The following FA2H variants were observed in gnomAD, a reference collection of about 807,000 sequenced individuals.
The protein encoded by FA2H is fatty acid 2-hydroxylase.
A neutral mutation model predicts 44.9 loss-of-function variants in FA2H; 22 were observed. That is an observed-to-expected ratio of 0.49 (90% CI 0.35 to 0.70). The LOEUF (loss-of-function observed/expected upper bound fraction) is 0.70. Among genes scored for constraint, FA2H ranks in the 30% least tolerant of loss-of-function variants. The probability of loss-of-function intolerance (pLI) is 0.01; values close to 1 mark genes in which losing one functional copy is unlikely to be tolerated. For synonymous variants in FA2H, 243 were observed against 213.2 expected (o/e 1.14, Z -1.22); for missense variants, 501 against 504.9 (o/e 0.99, Z 0.07).
rs548974829 is a variant in FA2H at position 74,753,480 on chromosome 16, G to C, written c.271-13365C>G. On this transcript the variant is annotated intron_variant, in intron 1 of 6. Coordinates refer to ENST00000219368, the MANE Select transcript of FA2H (RefSeq NM_024306.5). ...ATGGATCATGAGGTCAGGAGTTTAA[G>C]ACCAGCCTGGCCAACATAGTGAACC... Among the ~76,000 whole-genome samples, 31 of 152,318 alleles carry C rather than the reference G, an allele frequency of 2.0e-4. No homozygotes were observed. The East Asian group carries it at 4.4e-3, about 22-fold the overall frequency.
At chr16:74,738,154 C>T (rs1278364713) in intron 2 of FA2H, among the ~76,000 whole-genome samples, 1 of 152,116 alleles carries the variant, frequency 6.6e-6, no homozygotes, top group African/African-American at 2.4e-5. Context: ...CAGGGCCCAG[C>T]CCTCGCCCTT....
intron 2 of FA2H, among the ~76,000 whole-genome samples, chr16:74,739,163 G>A (rs966349336): frequency 3.9e-5 from 6 of 152,192 alleles, no homozygotes; most frequent in Non-Finnish European, 7.4e-5. Context: ...GGCGGTGGTG[G>A]GGAGGGGTTA....
At chr16:74,757,059 A>C (rs1467120574) in intron 1 of FA2H, among the ~76,000 whole-genome samples, 2 of 152,150 alleles carry the variant, frequency 1.3e-5, no homozygotes, top group African/African-American at 2.4e-5. Context: ...AACATTAAGC[A>C]AGGCAAAAGG....
At chr16:74,765,219 C>T (rs1962788327) in intron 1 of FA2H, among the ~76,000 whole-genome samples, 1 of 151,516 alleles carries the variant, frequency 6.6e-6, no homozygotes, top group Non-Finnish European at 1.5e-5. Context: ...TGCAATGGCG[C>T]GATCTTGGCT....
chr16:74,722,386 A>G (rs1305742292), intron 4 of FA2H, among the ~76,000 whole-genome samples: 3 of 151,956 alleles, frequency 2.0e-5, no homozygotes, highest in African/African-American at 7.3e-5. Flanking sequence ...AAGTAAAAAA[A>G]TTAGCTGGGC....
intron 1 of FA2H, among the ~76,000 whole-genome samples, chr16:74,754,724 C>G (rs1962584408): frequency 6.6e-6 from 1 of 151,956 alleles, no homozygotes; most frequent in Non-Finnish European, 1.5e-5. Flanking sequence ...GACAGGGTCT[C>G]CCTATGTTGC....
chr16:74,731,546 G>C (rs565908556), intron 2 of FA2H, among the ~76,000 whole-genome samples: 1 of 152,022 alleles, frequency 6.6e-6, no homozygotes, highest in South Asian at 2.1e-4. Context: ...TTTTGAGACA[G>C]GGCTTGCTCT....
chr16:74,715,815 C>CTTTT (rs536329308), intron 6 of FA2H, among the ~76,000 whole-genome samples: 3 of 136,364 alleles, frequency 2.2e-5, no homozygotes, highest in Non-Finnish European at 3.2e-5. Context: ...TCTTCTTCTT[C>CTTTT]TTTTTTTTTT....
chr16:74,753,104 C>A (rs1194443873), intron 1 of FA2H, among the ~76,000 whole-genome samples: 1 of 152,220 alleles, frequency 6.6e-6, no homozygotes, highest in Non-Finnish European at 1.5e-5. Flanking sequence ...ATCCCTGCGT[C>A]CTGTTCCACA....
chr16:74,773,358 C>A (rs1962943834), intron 1 of FA2H, among the ~76,000 whole-genome samples: 1 of 152,056 alleles, frequency 6.6e-6, no homozygotes, highest in African/African-American at 2.4e-5. Flanking sequence ...CATAGATATG[C>A]ATATATGGGA....
intron 2 of FA2H, among the ~76,000 whole-genome samples, chr16:74,729,585 C>T (rs1962034568): frequency 6.6e-6 from 1 of 152,066 alleles, no homozygotes; most frequent in East Asian, 1.9e-4. Flanking sequence ...GGGATGCAAG[C>T]TCAGAAAAGT....
chr16:74,758,240 C>A (rs1037184456), intron 1 of FA2H, among the ~76,000 whole-genome samples: 3 of 150,988 alleles, frequency 2.0e-5, no homozygotes, highest in African/African-American at 7.3e-5. Context: ...CCTGCCTCAG[C>A]CTCCTGAGTA....
At chr16:74,716,937 T>A in intron 5 of FA2H, 1 of 304,850 alleles carries the variant, frequency 3.3e-6, no homozygotes, top group Non-Finnish European at 6.2e-6. Context: ...TGTCAGGTGC[T>A]AGACAGGTAT....
intron 1 of FA2H, among the ~76,000 whole-genome samples, chr16:74,752,199 T>C (rs1962538247): frequency 6.6e-6 from 1 of 152,028 alleles, no homozygotes; most frequent in African/African-American, 2.4e-5. Context: ...CTCTTAACTC[T>C]CTTGCTGCTT....
In FA2H at chr16:74,730,800, T is replaced by C. The variant is rs145450306; in HGVS notation, c.364-3414A>G. ...TTCTAAACACCTGACACAGGTTCAG[T>C]CACTTGATCCTCGCCATACCCCTAA... is the stretch of plus-strand genomic sequence containing the variant. On this transcript the variant is annotated intron_variant, in intron 2 of 6. Coordinates refer to ENST00000219368, the MANE Select transcript of FA2H (RefSeq NM_024306.5). Among the ~76,000 whole-genome samples the C allele has an allele frequency of 3.0e-3, 459 of 152,312 alleles. 2 individuals are homozygous for C. Among genetic ancestry groups the C allele is most frequent in the Non-Finnish European group, 5.6e-3 (383 of 68,028 alleles).
chr16:74,769,776 C>T (rs1567652631), intron 1 of FA2H, among the ~76,000 whole-genome samples: 1 of 152,214 alleles, frequency 6.6e-6, no homozygotes, highest in Admixed American at 6.5e-5. Flanking sequence ...GCTGGCAGAG[C>T]ACTGCTCTCG....
chr16:74,762,298 C>T (rs368101832), intron 1 of FA2H, among the ~76,000 whole-genome samples: 18 of 152,084 alleles, frequency 1.2e-4, no homozygotes, highest in East Asian at 3.9e-4. Flanking sequence ...CCGCCTCGGC[C>T]TCCCAAAGTG....
At chr16:74,733,837 C>A (rs1003653995) in intron 2 of FA2H, among the ~76,000 whole-genome samples, 3 of 152,356 alleles carry the variant, frequency 2.0e-5, no homozygotes, top group African/African-American at 7.2e-5. Context: ...CCCCCGCCTG[C>A]CCCCGCTCAC....
intron 2 of FA2H, among the ~76,000 whole-genome samples, chr16:74,728,227 C>T (rs1484014170): frequency 6.6e-6 from 1 of 152,172 alleles, no homozygotes; most frequent in East Asian, 1.9e-4. Context: ...AGTTTGAGAC[C>T]AGCCTGGGCA....
Sources: allele counts gnomAD v4.1 joint callset (sites outside exome capture counted in the v4.1 genomes callset), GRCh38; gene constraint gnomAD v4.1.1; transcripts MANE v1.5; gene names NCBI Gene and HGNC (gene_info 2026-07-23, HGNC 2026-07-21).